The following CACNA1E variants were observed in gnomAD, a reference collection of about 807,000 sequenced individuals.
CACNA1E encodes calcium voltage-gated channel subunit alpha1 E.
Under a neutral mutation model 259.2 loss-of-function variants are expected in CACNA1E, and 40 were observed. The observed-to-expected ratio is 0.15, with a 90% CI of 0.12 to 0.20. CACNA1E has a LOEUF of 0.20. Ranked by LOEUF, CACNA1E falls within the 10% of genes least tolerant of loss-of-function variation. The pLI is 1.00. For synonymous variants in CACNA1E, 1,104 were observed against 1,138.5 expected (o/e 0.97, Z 0.61); for missense variants, 1,874 against 3,040.1 (o/e 0.62, Z 9.02).
chr1:181,736,198 A>G, intron 21 of CACNA1E, 77 bp from the exon 22 acceptor site: 2 of 1,500,450 alleles, frequency 1.3e-6, no homozygotes, highest in Non-Finnish European at 1.8e-6. Flanking sequence ...CTCTCCTTTC[A>G]TCCCCAACTA....
chr1:181,679,699 C>G (rs531771181), intron 7 of CACNA1E, among the ~76,000 whole-genome samples: 4 of 152,314 alleles, frequency 2.6e-5, no homozygotes, highest in Non-Finnish European at 5.9e-5. Flanking sequence ...CTCCTCCTGT[C>G]AGTGGCTGGG....
chr1:181,763,688 G>A (rs1231757488), intron 34 of CACNA1E, among the ~76,000 whole-genome samples, 157 bp downstream of exon 34: 1 of 152,234 alleles, frequency 6.6e-6, no homozygotes, highest in South Asian at 2.1e-4. Context: ...GCAATTCTTA[G>A]TTACAGCACA....
chr1:181,372,642 G>A (rs1654782047), intron 1 of CACNA1E, among the ~76,000 whole-genome samples: 1 of 151,978 alleles, frequency 6.6e-6, no homozygotes, highest in Non-Finnish European at 1.5e-5. Flanking sequence ...AAATTGAGTA[G>A]GAGTGGCAAG....
chr1:181,375,099 ACTT>A (rs1655007139), intron 1 of CACNA1E, among the ~76,000 whole-genome samples: 1 of 152,160 alleles, frequency 6.6e-6, no homozygotes, highest in South Asian at 2.1e-4. Flanking sequence ...TTGGCTCTGA[ACTT>A]CTTTGCAGCT....
At chr1:181,539,675 G>A (rs965111993) in intron 3 of CACNA1E, among the ~76,000 whole-genome samples, 15 of 152,190 alleles carry the variant, frequency 9.9e-5, no homozygotes, top group African/African-American at 3.6e-4. Flanking sequence ...TTGAGTAAAA[G>A]TAACCTGAAA....
intron 25 of CACNA1E, among the ~76,000 whole-genome samples, chr1:181,741,475 T>C (rs1656566536): frequency 6.6e-6 from 1 of 152,178 alleles, no homozygotes; most frequent in Admixed American, 6.5e-5. Context: ...AATCCAAATA[T>C]AGGAGGAAGT....
At chr1:181,428,697 G>A (rs1659487559) in intron 2 of CACNA1E, among the ~76,000 whole-genome samples, 1 of 152,138 alleles carries the variant, frequency 6.6e-6, no homozygotes, top group Non-Finnish European at 1.5e-5. Flanking sequence ...GGGTGTAGTT[G>A]TCTCAGGGAG....
intron 3 of CACNA1E, among the ~76,000 whole-genome samples, chr1:181,559,529 G>A (rs1174994818): frequency 6.6e-6 from 1 of 152,170 alleles, no homozygotes; most frequent in African/African-American, 2.4e-5. Flanking sequence ...AGGAAGAGGA[G>A]TAGCCAAAGG....
Position 181,717,280 on chromosome 1 carries a change from C to G in CACNA1E, c.1503C>G (p.Pro501=). 6.2e-7 allele frequency: 1 copy of G among 1,613,642 alleles called. No homozygotes were observed. The highest frequency in any genetic ancestry group is 8.5e-7 in the Non-Finnish European group (1 of 1,179,804). ...ACVAIVHHNQ[P]QWLTHLLYYA... is the part of the protein sequence containing the mutation. ...TGGCCATTGTCCATCACAACCAGCC[C>G]CAGTGGCTCACCCACCTCCTCTGTA... The change falls in exon 11 of 48, where the codon CCC becomes CCG. Residue 501 remains proline (P), a synonymous_variant. Coordinates refer to ENST00000367573, the MANE Select transcript of CACNA1E (RefSeq NM_001205293.3).
rs769445553 is a variant in CACNA1E at position 181,587,889 on chromosome 1, A to AAAAGAAAG, written c.951+7129_951+7136dup. Among the ~76,000 whole-genome samples the AAAAGAAAG allele has an allele frequency of 3.3e-5, 5 of 152,308 alleles. 1 individual carries two copies. Among genetic ancestry groups the AAAAGAAAG allele is most frequent in the East Asian group, 3.9e-4 (2 of 5,182 alleles). Reference sequence around the variant, plus strand: ...AAGAGCGAGACTCCGTCTCAAGAAAAAAAGAAAGAAAGAAAGAAAGAAATG... The same window carrying AAAAGAAAG: ...AAGAGCGAGACTCCGTCTCAAGAAAAAAAGAAAGAAAGAAAGAAAGAAAGAAAGAAATG... On this transcript the variant is annotated intron_variant, in intron 6 of 47. Transcript: ENST00000367573.
chr1:181,579,717 T>A (rs185638533), intron 5 of CACNA1E, among the ~76,000 whole-genome samples: 1 of 152,340 alleles, frequency 6.6e-6, no homozygotes, highest in Admixed American at 6.5e-5. Context: ...TACAGCAGCC[T>A]CTGACTGAAT....
chr1:181,736,149 G>A, intron 21 of CACNA1E, 126 bp from the exon 22 acceptor site: 1 of 1,115,364 alleles, frequency 9.0e-7, no homozygotes, highest in Admixed American at 2.8e-5. Context: ...GTGCCTGCAG[G>A]GCACCTTGTT....
At chr1:181,476,978 T>A (rs143812716) in intron 2 of CACNA1E, among the ~76,000 whole-genome samples, 85 of 152,258 alleles carry the variant, frequency 5.6e-4, no homozygotes, top group Non-Finnish European at 9.1e-4. Flanking sequence ...TAAAGCTTAA[T>A]ATCTATTAGG....
At chr1:181,383,413 A>G (rs1230680460) in intron 1 of CACNA1E, among the ~76,000 whole-genome samples, 1 of 152,198 alleles carries the variant, frequency 6.6e-6, no homozygotes, top group Non-Finnish European at 1.5e-5. Flanking sequence ...ATCTCTACAC[A>G]GGTATGATGA....
chr1:181,781,781 TGTGA>T (rs1474711137), intron 39 of CACNA1E, among the ~76,000 whole-genome samples: 11 of 152,208 alleles, frequency 7.2e-5, no homozygotes, highest in Middle Eastern at 3.2e-3. Flanking sequence ...TGTGGCTTCT[TGTGA>T]GTGAGTTACC....
chr1:181,733,044 T>A lies in CACNA1E; in HGVS notation c.2948+10T>A. The A allele has an allele frequency of 6.3e-7, 1 of 1,576,308 alleles. No homozygotes were observed. Among genetic ancestry groups the A allele is most frequent in the Non-Finnish European group, 8.6e-7 (1 of 1,161,558 alleles). ...CCCAGGATTTAAGGAGGTGAGTGAG[T>A]CACAGGGCTCCCAGATGGATGGCAC... On this transcript the variant is annotated intron_variant, in intron 20 of 47. Transcript: ENST00000367573.
chr1:181,601,456 T>C (rs1318812253), intron 6 of CACNA1E, among the ~76,000 whole-genome samples: 1 of 152,168 alleles, frequency 6.6e-6, no homozygotes, highest in Non-Finnish European at 1.5e-5. Context: ...CTGGTCCTCA[T>C]TTTATTGATG....
chr1:181,458,404 C>T (rs142739382), intron 2 of CACNA1E, among the ~76,000 whole-genome samples: 83 of 152,262 alleles, frequency 5.5e-4, no homozygotes, highest in African/African-American at 1.6e-3. Flanking sequence ...GCCTTTGTTA[C>T]GGCCATTTCA....
chr1:181,677,733 G>A (rs1383426462), intron 7 of CACNA1E, among the ~76,000 whole-genome samples: 2 of 152,204 alleles, frequency 1.3e-5, no homozygotes, highest in African/African-American at 4.8e-5. Context: ...TATCATGTAA[G>A]AGCAGTTTTG....
Sources: gnomAD v4.1 joint callset for allele counts (sites outside exome capture counted in the v4.1 genomes callset) on GRCh38, gnomAD v4.1.1 for gene constraint, MANE v1.5 for transcripts, NCBI Gene and HGNC (gene_info 2026-07-23, HGNC 2026-07-21) for gene names.